The following SCRN3 variants were observed in gnomAD, a reference collection of about 807,000 sequenced individuals.
The protein encoded by SCRN3 is secernin-3.
In SCRN3, 39 loss-of-function variants were observed where a neutral mutation model predicts 43.1. That is an observed-to-expected ratio of 0.91 (90% CI 0.70 to 1.18). SCRN3 has a LOEUF of 1.18. SCRN3 is among the 50% of genes most tolerant of loss of function. The pLI is 0.00. For synonymous variants in SCRN3, 147 were observed against 163.1 expected (o/e 0.90, Z 0.75); for missense variants, 484 against 498.0 (o/e 0.97, Z 0.27).
chr2:174,402,262 G>T (rs1184674119), intron 4 of SCRN3, among the ~76,000 whole-genome samples: 1 of 152,108 alleles, frequency 6.6e-6, no homozygotes, highest in African/African-American at 2.4e-5. Context: ...GTGCCACCTG[G>T]CCATCTAAAA....
intron 7 of SCRN3, 152 bp downstream of exon 7, chr2:174,424,801 T>A: frequency 1.8e-6 from 1 of 558,634 alleles, no homozygotes; most frequent in Non-Finnish European, 3.1e-6. Context: ...GCTGTATTAT[T>A]TTTATCTTTG....
intron 6 of SCRN3, among the ~76,000 whole-genome samples, chr2:174,423,777 CTTTTTTTTTTTT>C (rs67646903): frequency 1.0e-5 from 1 of 95,856 alleles, no homozygotes; most frequent in African/African-American, 5.1e-5. Flanking sequence ...CCAAGTCTTC[CTTTTTTTTTTTT>C]TTTTTTTTTT....
rs899545024 is a variant in SCRN3 at position 174,429,137 on chromosome 2, T to G, written c.*1242T>G. On this transcript the variant is annotated 3_prime_UTR_variant, in exon 8 of 8. Coordinates refer to ENST00000272732, the MANE Select transcript of SCRN3 (RefSeq NM_024583.5). ...TGACTCAAGAACTCAGTTGATTCTG[T>G]TTGCCTTAAGTTTGGTTCAGTGATA... 1 of 152,182 alleles carries G rather than the reference T, an allele frequency of 6.6e-6. No homozygotes were observed. Among genetic ancestry groups the G allele is most frequent in the African/African-American group, 2.4e-5 (1 of 41,438 alleles). The allele number at this position is 152,182 out of a possible 1,614,324, so 9.4% of individuals were successfully genotyped here. A position where few individuals can be genotyped will look rare whatever the true frequency, so the allele number is the denominator to read the frequency against.
intron 2 of SCRN3, among the ~76,000 whole-genome samples, chr2:174,399,562 C>T (rs1216350323): frequency 1.3e-5 from 2 of 152,216 alleles, no homozygotes; most frequent in East Asian, 3.8e-4. Flanking sequence ...GCTCCAATAG[C>T]ACCTTGTCTT....
At chr2:174,398,072 AAGCCCTGATCATACAACTGCACTCC>A (rs149933764) in intron 1 of SCRN3, 178 bp from the exon 2 acceptor site, 28,614 of 320,206 alleles carry the variant, frequency 0.089, 1,213 homozygotes, top group Middle Eastern at 0.18. Context: ...AGGCTGCAGT[AAGCCCTGATCATACAACTGCACTCC>A]AGCCTGGGTG....
chr2:174,419,958 A>T (rs1559082321), intron 5 of SCRN3, among the ~76,000 whole-genome samples: 1 of 152,176 alleles, frequency 6.6e-6, no homozygotes, highest in Non-Finnish European at 1.5e-5. Context: ...GAAGACATGG[A>T]TGAATACCCA....
At chr2:174,424,705 G>A (rs1686423969) in intron 7 of SCRN3, 56 bp downstream of exon 7, 9 of 1,420,732 alleles carry the variant, frequency 6.3e-6, no homozygotes, top group East Asian at 2.4e-5. Context: ...GATTCAATCC[G>A]TATTTTGAAC....
At chr2:174,411,114 A>G (rs894746654) in intron 5 of SCRN3, among the ~76,000 whole-genome samples, 1 of 152,198 alleles carries the variant, frequency 6.6e-6, no homozygotes, top group African/African-American at 2.4e-5. Flanking sequence ...CTGCTGCTCC[A>G]GGATGTGGAT....
At chr2:174,402,931 T>C (rs1461778424) in intron 4 of SCRN3, among the ~76,000 whole-genome samples, 3 of 152,170 alleles carry the variant, frequency 2.0e-5, no homozygotes. Context: ...TTATTTTTTC[T>C]ATTTTGTATT....
intron 5 of SCRN3, among the ~76,000 whole-genome samples, chr2:174,411,059 T>C (rs188398384): frequency 9.2e-5 from 14 of 152,226 alleles, no homozygotes; most frequent in Admixed American, 2.6e-4. Context: ...GTCTGAAAAA[T>C]GCTACTCCAC....
intron 5 of SCRN3, among the ~76,000 whole-genome samples, chr2:174,414,765 C>CTTTTTTTTT (rs553055709): frequency 7.6e-6 from 1 of 131,190 alleles, no homozygotes; most frequent in Non-Finnish European, 1.6e-5. Context: ...TTTCTATTTT[C>CTTTTTTTTT]TTTTTTTTTT....
At chr2:174,396,067 T>A (rs1685295068) in intron 1 of SCRN3, 13 of 1,214,194 alleles carry the variant, frequency 1.1e-5, no homozygotes, top group Non-Finnish European at 1.3e-5. Flanking sequence ...GTTTTTCTCA[T>A]CTATGTTATG....
chr2:174,423,067 T>C lies in SCRN3; in HGVS notation c.917+20T>C. The C allele has an allele frequency of 1.2e-6, 2 of 1,602,788 alleles. No individual in the cohort carries two copies. Among genetic ancestry groups the C allele is most frequent in the Non-Finnish European group, 1.7e-6 (2 of 1,172,630 alleles). Reference sequence around the variant, plus strand: ...TGAGAGGTGAAGCCACAAAATACTATAAACCAGCAAGGGGTCAGGGGATGG... The same window carrying C: ...TGAGAGGTGAAGCCACAAAATACTACAAACCAGCAAGGGGTCAGGGGATGG... On this transcript the variant is annotated intron_variant, in intron 6 of 7. Coordinates refer to ENST00000272732, the MANE Select transcript of SCRN3 (RefSeq NM_024583.5).
chr2:174,406,451 T>G (rs1300896854), intron 5 of SCRN3, among the ~76,000 whole-genome samples: 3 of 138,598 alleles, frequency 2.2e-5, no homozygotes, highest in African/African-American at 7.5e-5. Context: ...ACCCTTTATT[T>G]CCTTCTCCTG....
At chr2:174,411,792 G>A (rs1685926793) in intron 5 of SCRN3, among the ~76,000 whole-genome samples, 1 of 152,076 alleles carries the variant, frequency 6.6e-6, no homozygotes. Flanking sequence ...TATGGTGCAG[G>A]CACCTGTAAT....
chr2:174,403,085 T>TTA (rs1553508804), intron 4 of SCRN3, among the ~76,000 whole-genome samples: 5 of 103,062 alleles, frequency 4.9e-5, no homozygotes, highest in South Asian at 4.5e-4. Flanking sequence ...AACTCAGTAG[T>TTA]AAAAAAAAAA....
intron 1 of SCRN3, among the ~76,000 whole-genome samples, chr2:174,396,669 G>A (rs1685322751): frequency 1.3e-5 from 2 of 151,866 alleles, no homozygotes; most frequent in Admixed American, 1.3e-4. Context: ...GTGGTGGCAC[G>A]CGCCTGTAAT....
At chr2:174,396,518 C>T (rs1347512551) in intron 1 of SCRN3, among the ~76,000 whole-genome samples, 2 of 152,124 alleles carry the variant, frequency 1.3e-5, no homozygotes, top group African/African-American at 2.4e-5. Flanking sequence ...AAACCTTGGC[C>T]GGGCGCGGTA....
intron 5 of SCRN3, among the ~76,000 whole-genome samples, chr2:174,406,723 G>T (rs1306559072): frequency 7.3e-6 from 1 of 137,434 alleles, no homozygotes; most frequent in Non-Finnish European, 1.6e-5. Context: ...TAATCATGTG[G>T]TTTTTGTCTT....
Sources: allele counts gnomAD v4.1 joint callset (sites outside exome capture counted in the v4.1 genomes callset), GRCh38; gene constraint gnomAD v4.1.1; transcripts MANE v1.5; gene names NCBI Gene and HGNC (gene_info 2026-07-23, HGNC 2026-07-21).